Variants in C12orf50 observed in about 807,000 individuals in gnomAD.
C12orf50 encodes uncharacterized protein C12orf50.
A neutral mutation model predicts 61.6 loss-of-function variants in C12orf50; 35 were observed. That is an observed-to-expected ratio of 0.57 (90% CI 0.43 to 0.75). C12orf50 has a LOEUF of 0.75. Ranked by LOEUF, C12orf50 falls within the 30% of genes least tolerant of loss-of-function variation. The probability of loss-of-function intolerance (pLI) is 0.00; values close to 1 mark genes in which losing one functional copy is unlikely to be tolerated. For missense variants in C12orf50, 475 were observed against 488.5 expected (o/e 0.97, Z 0.26); for synonymous variants, 178 against 161.5 (o/e 1.10, Z -0.77).
At chr12:88,025,779 G>C (rs1295647367) in intron 3 of C12orf50, among the ~76,000 whole-genome samples, 1 of 152,130 alleles carries the variant, frequency 6.6e-6, no homozygotes, top group Admixed American at 6.5e-5. Context: ...CATTCCATCA[G>C]AGAAACTTGG....
In C12orf50 at chr12:88,012,084, T is replaced by C. The variant is rs10858682; in HGVS notation, c.134-13894A>G. 3.5e-4 allele frequency among the ~76,000 whole-genome samples: 54 copies of C among 152,322 alleles called. No individual in the cohort carries two copies. The East Asian group carries it at 9.7e-3, about 27-fold the overall frequency. On this transcript the variant is annotated intron_variant, in intron 3 of 12. Coordinates refer to ENST00000298699, the MANE Select transcript of C12orf50 (RefSeq NM_152589.3). ...TTTTGCATTTTTTCCCATTTGTTTTTTGGGGTAGGGGAACAAGGTGGGGGA... is the reference window on the plus strand; with the variant it reads ...TTTTGCATTTTTTCCCATTTGTTTTCTGGGGTAGGGGAACAAGGTGGGGGA...
At chr12:87,982,610 A>AC (rs1412600728) in intron 12 of C12orf50, among the ~76,000 whole-genome samples, 2 of 151,964 alleles carry the variant, frequency 1.3e-5, no homozygotes, top group African/African-American at 4.8e-5. Context: ...GTTCCAAGGA[A>AC]CCCCAGTCTC....
chr12:87,988,586 T>A (rs1215508032), intron 8 of C12orf50, among the ~76,000 whole-genome samples: 1 of 152,186 alleles, frequency 6.6e-6, no homozygotes, highest in Admixed American at 6.6e-5. Context: ...AACCTTTCCA[T>A]CTCTGACTGA....
chr12:88,015,108 T>C (rs143872474), intron 3 of C12orf50, among the ~76,000 whole-genome samples: 71 of 152,158 alleles, frequency 4.7e-4, no homozygotes, highest in African/African-American at 1.7e-3. Flanking sequence ...TACCATTTGA[T>C]GTGCTATGGC....
At chr12:88,002,515 G>A (rs751197603) in intron 3 of C12orf50, among the ~76,000 whole-genome samples, 44 of 151,734 alleles carry the variant, frequency 2.9e-4, no homozygotes, top group Non-Finnish European at 5.8e-4. Context: ...ACAGTTGTTC[G>A]AGTCTTTTAT....
At chr12:88,008,940 C>A (rs2031994942) in intron 3 of C12orf50, among the ~76,000 whole-genome samples, 1 of 152,110 alleles carries the variant, frequency 6.6e-6, no homozygotes, top group Non-Finnish European at 1.5e-5. Flanking sequence ...TGCCTTCTTT[C>A]ATTTAATTTT....
intron 3 of C12orf50, among the ~76,000 whole-genome samples, chr12:88,006,313 C>G (rs1010523968): frequency 2.6e-5 from 4 of 152,280 alleles, no homozygotes; most frequent in Admixed American, 2.6e-4. Context: ...AGCTACTAGC[C>G]TCCTCTTAAT....
intron 3 of C12orf50, among the ~76,000 whole-genome samples, chr12:88,010,250 A>C (rs1288388852): frequency 6.6e-6 from 1 of 151,950 alleles, no homozygotes; most frequent in South Asian, 2.1e-4. Context: ...TGGTTGAACA[A>C]GTTCTATTAT....
intron 9 of C12orf50, 40 bp from the exon 10 acceptor site, chr12:87,986,456 C>A: frequency 7.2e-7 from 1 of 1,380,824 alleles, no homozygotes; most frequent in Non-Finnish European, 1.0e-6. Context: ...TTAAGAGATG[C>A]TTTCATCTCT....
chr12:88,007,184 A>T (rs1286980272), intron 3 of C12orf50, among the ~76,000 whole-genome samples: 1 of 152,204 alleles, frequency 6.6e-6, no homozygotes, highest in Non-Finnish European at 1.5e-5. Context: ...CTTAGAAAAA[A>T]ACCCATAGAT....
chr12:88,007,257 TCTTC>T, intron 3 of C12orf50, among the ~76,000 whole-genome samples: 1 of 152,214 alleles, frequency 6.6e-6, no homozygotes, highest in Non-Finnish European at 1.5e-5. Context: ...TATTGTGAAA[TCTTC>T]TAATTGAAGT....
intron 12 of C12orf50, among the ~76,000 whole-genome samples, chr12:87,982,472 A>T (rs2030539347): frequency 6.6e-6 from 1 of 152,224 alleles, no homozygotes; most frequent in Non-Finnish European, 1.5e-5. Flanking sequence ...AGTAATCGAA[A>T]GCATTTTATC....
chr12:87,986,959 A>G (rs2030856613), intron 9 of C12orf50, among the ~76,000 whole-genome samples: 1 of 152,078 alleles, frequency 6.6e-6, no homozygotes. Context: ...CACTTTGTAT[A>G]TTTTTACATC....
At chr12:87,997,894 A>G (rs1168549472) in intron 4 of C12orf50, 141 bp downstream of exon 4, 2 of 652,366 alleles carry the variant, frequency 3.1e-6, no homozygotes, top group South Asian at 2.9e-5. Context: ...AATGAATTAA[A>G]TTAGTTTAAT....
chr12:88,003,217 TCATA>T (rs1399565810), intron 3 of C12orf50, among the ~76,000 whole-genome samples: 1 of 151,930 alleles, frequency 6.6e-6, no homozygotes, highest in African/African-American at 2.4e-5. Context: ...TTCTTTGTCA[TCATA>T]CAGTTTTGCT....
rs757474379 is a variant in C12orf50, at chr12:87,983,202, G to GA, written c.1127-8dup. The GA allele has an allele frequency of 3.9e-6, 6 of 1,549,912 alleles. No individual in the cohort carries two copies. Among genetic ancestry groups the GA allele is most frequent in the East Asian group, 4.5e-5 (2 of 44,172 alleles). The stretch of plus-strand genomic sequence containing the variant: ...GATGTTGACGTATATTTGTCTGAGG[G>GA]AAAAAAATCCAGAATTAAATATTTT... On this transcript the variant is annotated splice_polypyrimidine_tract_variant and splice_region_variant and intron_variant, in intron 11 of 12. Coordinates refer to ENST00000298699, the MANE Select transcript of C12orf50 (RefSeq NM_152589.3).
At chr12:88,005,479 G>C (rs2031822509) in intron 3 of C12orf50, among the ~76,000 whole-genome samples, 2 of 152,088 alleles carry the variant, frequency 1.3e-5, no homozygotes, top group South Asian at 4.1e-4. Context: ...TTCATTGCTG[G>C]TGTAATGCCC....
At chr12:87,992,180 T>C (rs1186322659) in intron 7 of C12orf50, among the ~76,000 whole-genome samples, 1 of 152,196 alleles carries the variant, frequency 6.6e-6, no homozygotes, top group African/African-American at 2.4e-5. Flanking sequence ...GAACTTTGTT[T>C]TCTCTTTTGT....
intron 11 of C12orf50, 77 bp from the exon 12 acceptor site, chr12:87,983,272 A>G (rs1039539228): frequency 1.6e-5 from 14 of 852,360 alleles, no homozygotes; most frequent in Non-Finnish European, 2.1e-5. Flanking sequence ...AGTTATAAAC[A>G]TCTCAGGGGT....
Sources: gnomAD v4.1 joint callset for allele counts (sites outside exome capture counted in the v4.1 genomes callset) on GRCh38, gnomAD v4.1.1 for gene constraint, MANE v1.5 for transcripts, NCBI Gene and HGNC (gene_info 2026-07-23, HGNC 2026-07-21) for gene names.